The following TBC1D19 variants were observed in gnomAD, a reference collection of about 807,000 sequenced individuals.
TBC1D19 encodes the protein TBC1 domain family member 19, also known as TBC1 domain family, member 19.
In TBC1D19, 60 loss-of-function variants were observed where a neutral mutation model predicts 89.0. That is an observed-to-expected ratio of 0.67 (90% confidence interval 0.55 to 0.84). The LOEUF (loss-of-function observed/expected upper bound fraction) is 0.84, where lower values mean the gene tolerates loss of function less well. Among genes scored for constraint, TBC1D19 ranks in the 40% least tolerant of loss-of-function variants. TBC1D19 has a pLI of 0.00. For missense variants in TBC1D19, 500 were observed against 610.8 expected, an observed-to-expected ratio of 0.82 and a Z score of 1.91; for synonymous variants, 189 against 199.7, an observed-to-expected ratio of 0.95 and a Z score of 0.45.
At chr4:26,808,539 G>GGCT in the TBC1D19 span, among the ~76,000 whole-genome samples, 3 of 152,030 alleles carry the variant, frequency 2.0e-5, no homozygotes, top group Non-Finnish European at 4.4e-5. Flanking sequence ...AGACCATCCT[G>GGCT]AACAGGGTGA....
At chr4:26,771,608 C>G in the TBC1D19 span, among the ~76,000 whole-genome samples, 1 of 152,134 alleles carries the variant, frequency 6.6e-6, no homozygotes, top group Non-Finnish European at 1.5e-5. Context: ...TATATGGTAT[C>G]TAAATAGTCA....
intron 7 of TBC1D19, among the ~76,000 whole-genome samples, chr4:26,654,571 ATTTCT>A (rs1474546589): frequency 6.6e-6 from 1 of 151,932 alleles, no homozygotes; most frequent in African/African-American, 2.4e-5. Flanking sequence ...CTTTGTTGAC[ATTTCT>A]TTTCATTCTT....
At chr4:26,683,794 T>G in intron 12 of TBC1D19, 45 bp downstream of exon 12, 1 of 1,504,276 alleles carries the variant, frequency 6.6e-7, no homozygotes, top group African/African-American at 1.4e-5. Flanking sequence ...TAATATAATT[T>G]AGAATTGAGA....
chr4:26,733,501 C>T (rs1014706395), intron 15 of TBC1D19, among the ~76,000 whole-genome samples: 5 of 152,016 alleles, frequency 3.3e-5, no homozygotes, highest in Non-Finnish European at 2.9e-5. Flanking sequence ...GTGATAGAAC[C>T]GGATGAACCC....
chr4:26,809,585 G>A, the TBC1D19 span, among the ~76,000 whole-genome samples: 3 of 152,192 alleles, frequency 2.0e-5, no homozygotes, highest in Non-Finnish European at 4.4e-5. Flanking sequence ...AGGGTAGTAG[G>A]GAAGTGGATC....
intron 3 of TBC1D19, among the ~76,000 whole-genome samples, chr4:26,616,043 A>G (rs1229946913): frequency 2.6e-5 from 4 of 152,066 alleles, no homozygotes; most frequent in African/African-American, 9.7e-5. Context: ...TATTTTCTGA[A>G]TAACTCGTTG....
chr4:26,614,003 G>A (rs1206753823), intron 2 of TBC1D19, among the ~76,000 whole-genome samples: 1 of 152,110 alleles, frequency 6.6e-6, no homozygotes, highest in African/African-American at 2.4e-5. Flanking sequence ...GCTGACGTGT[G>A]AATTATAACT....
At chr4:26,693,809 A>G (rs1217729913) in intron 13 of TBC1D19, among the ~76,000 whole-genome samples, 1 of 152,234 alleles carries the variant, frequency 6.6e-6, no homozygotes, top group Non-Finnish European at 1.5e-5. Flanking sequence ...GGCGTTGAAA[A>G]GTACAATAAT....
chr4:26,796,036 T>G, the TBC1D19 span, among the ~76,000 whole-genome samples: 4 of 152,208 alleles, frequency 2.6e-5, no homozygotes, highest in Non-Finnish European at 4.4e-5. Context: ...CTGCTTAATA[T>G]GCCTCTAAGG....
chr4:26,590,357 G>A (rs1343653057), intron 1 of TBC1D19, among the ~76,000 whole-genome samples: 2 of 152,122 alleles, frequency 1.3e-5, no homozygotes, highest in Non-Finnish European at 2.9e-5. Flanking sequence ...AAGAATTAGG[G>A]TATAAATATT....
Position 26,643,961 on chromosome 4 carries a change from C to T in TBC1D19, c.480+3774C>T, listed in dbSNP as rs76684423. Among the ~76,000 whole-genome samples, 224 of 152,214 alleles carry T rather than the reference C, an allele frequency of 1.5e-3. 5 individuals are homozygous for T. The East Asian group carries it at 0.034, about 23-fold the overall frequency. Reference sequence around the variant, plus strand: ...CCTCCCAACCAAAAGAAGTCTATGACGAGATGGATTCACAGCCGAATTCTA... The same window carrying T: ...CCTCCCAACCAAAAGAAGTCTATGATGAGATGGATTCACAGCCGAATTCTA... On this transcript the variant is annotated intron_variant, in intron 7 of 20. Transcript: ENST00000264866.
chr4:26,830,474 G>T, the TBC1D19 span, among the ~76,000 whole-genome samples: 8 of 152,262 alleles, frequency 5.3e-5, no homozygotes, highest in Middle Eastern at 3.4e-3. Context: ...ATTAGAAGTG[G>T]GGCGGGGCTG....
At chr4:26,677,323 CT>C (rs35553916) in intron 11 of TBC1D19, among the ~76,000 whole-genome samples, 175 of 144,644 alleles carry the variant, frequency 1.2e-3, no homozygotes, top group African/African-American at 1.6e-3. Context: ...CCTATAAATC[CT>C]TTTTTTTTTT....
chr4:26,673,454 C>CACAG (rs1458360005), intron 10 of TBC1D19, among the ~76,000 whole-genome samples: 1 of 136,188 alleles, frequency 7.3e-6, no homozygotes, highest in Non-Finnish European at 1.6e-5. Context: ...TATACACACA[C>CACAG]ACACACACAC....
the TBC1D19 span, among the ~76,000 whole-genome samples, chr4:26,777,717 G>T: frequency 6.6e-6 from 1 of 152,124 alleles, no homozygotes; most frequent in Non-Finnish European, 1.5e-5. Context: ...CCAAAGTGCT[G>T]GGATTACAGG....
chr4:26,591,760 C>G (rs766310896), intron 1 of TBC1D19, among the ~76,000 whole-genome samples: 13 of 152,226 alleles, frequency 8.5e-5, no homozygotes, highest in Non-Finnish European at 1.5e-4. Flanking sequence ...AATTCCTCGA[C>G]ACATACACTC....
intron 15 of TBC1D19, among the ~76,000 whole-genome samples, chr4:26,724,325 T>A (rs941123311): frequency 6.6e-6 from 1 of 152,166 alleles, no homozygotes; most frequent in African/African-American, 2.4e-5. Flanking sequence ...TATACTTTTT[T>A]ATTTCTTCAC....
the TBC1D19 span, among the ~76,000 whole-genome samples, chr4:26,805,684 G>A: frequency 6.6e-6 from 1 of 152,070 alleles, no homozygotes; most frequent in South Asian, 2.1e-4. Context: ...TCCATTCCCA[G>A]CCAGAGAGAC....
the TBC1D19 span, among the ~76,000 whole-genome samples, chr4:26,856,241 C>T: frequency 1.8e-3 from 268 of 152,288 alleles, 1 homozygote; most frequent in African/African-American, 6.1e-3. Flanking sequence ...TTTTTCTACG[C>T]CTGGCTTATT....
Sources: allele counts gnomAD v4.1 joint callset (sites outside exome capture counted in the v4.1 genomes callset), GRCh38; gene constraint gnomAD v4.1.1; transcripts MANE v1.5; gene names NCBI Gene and HGNC (gene_info 2026-07-23, HGNC 2026-07-21).